NBEA: variants seen among roughly 807,000 people sequenced by gnomAD.
NBEA encodes the protein neurobeachin.
Under a neutral mutation model 343.4 loss-of-function variants are expected in NBEA, and 44 were observed. That is an observed-to-expected ratio of 0.13 (90% CI 0.10 to 0.16). NBEA has a LOEUF of 0.16. Among genes scored for constraint, NBEA ranks in the 10% least tolerant of loss-of-function variants. The pLI, the probability that NBEA is intolerant of heterozygous loss-of-function variation, is 1.00. For synonymous variants in NBEA, 1,175 were observed against 1,238.7 expected, an observed-to-expected ratio of 0.95 and a Z score of 1.08; for missense variants, 2,555 against 3,631.3, an observed-to-expected ratio of 0.70 and a Z score of 7.62.
At chr13:35,166,597 A>G (rs1304508238) in intron 24 of NBEA, among the ~76,000 whole-genome samples, 1 of 152,134 alleles carries the variant, frequency 6.6e-6, no homozygotes, top group African/African-American at 2.4e-5. Flanking sequence ...GTTGTACAAC[A>G]TAGCTGATTT....
At chr13:35,082,564 T>A (rs955328123) in intron 10 of NBEA, among the ~76,000 whole-genome samples, 4 of 152,174 alleles carry the variant, frequency 2.6e-5, no homozygotes, top group Non-Finnish European at 4.4e-5. Context: ...TTTCTCCACA[T>A]CTTCTGCAGC....
rs1023419986 is a variant in NBEA at position 35,624,698 on chromosome 13, G to A, written c.7450-3383G>A. Among the ~76,000 whole-genome samples, 3 of 151,120 alleles carry A rather than the reference G, an allele frequency of 2.0e-5. No individual in the cohort carries two copies. In the East Asian group the frequency reaches 5.8e-4, roughly 29 times the overall value. On this transcript the variant is annotated intron_variant, in intron 48 of 58. Coordinates refer to ENST00000379939, the MANE Select transcript of NBEA (RefSeq NM_001385012.1). ...ATAGAAATGAAAAATATAGAAAGCT[G>A]GACACACATACGTTGACATGATAGG...
intron 39 of NBEA, among the ~76,000 whole-genome samples, chr13:35,436,924 C>T (rs2045476472): frequency 6.6e-6 from 1 of 152,114 alleles, no homozygotes; most frequent in Non-Finnish European, 1.5e-5. Context: ...ATGTTGTCTA[C>T]ACTGGGAGAA....
At chr13:35,621,973 T>C (rs1287863554) in intron 48 of NBEA, among the ~76,000 whole-genome samples, 2 of 152,166 alleles carry the variant, frequency 1.3e-5, no homozygotes, top group Non-Finnish European at 2.9e-5. Flanking sequence ...TGTTGTAAAA[T>C]GATTTCACAA....
intron 41 of NBEA, among the ~76,000 whole-genome samples, chr13:35,548,862 T>G (rs1234300310): frequency 6.6e-6 from 1 of 152,128 alleles, no homozygotes. Flanking sequence ...AGAAGAAGTT[T>G]TGCATTTAGA....
In NBEA at chr13:35,236,406, T is replaced by TTTTG. The variant is rs2075232583; in HGVS notation, c.5776+3790_5776+3791insGTTT. Among the ~76,000 whole-genome samples, 11 of 147,176 alleles carry TTTTG rather than the reference T, an allele frequency of 7.5e-5. No individual in the cohort carries two copies. In the East Asian group the frequency reaches 8.2e-4, roughly 11 times the overall value. ...CAGCTCTTCTTTCTGCATTTAATCC[T>TTTTG]TTTTGTTTTGTTTTGTTTTGTTTTG... On this transcript the variant is annotated intron_variant, in intron 34 of 58. Coordinates refer to ENST00000379939, the MANE Select transcript of NBEA (RefSeq NM_001385012.1).
At chr13:35,284,226 G>A (rs1318828455) in intron 34 of NBEA, among the ~76,000 whole-genome samples, 1 of 152,050 alleles carries the variant, frequency 6.6e-6, no homozygotes, top group African/African-American at 2.4e-5. Flanking sequence ...AATATATCTG[G>A]TATATCCAGA....
At chr13:35,642,821 G>A (rs570705668) in intron 49 of NBEA, among the ~76,000 whole-genome samples, 1 of 152,020 alleles carries the variant, frequency 6.6e-6, no homozygotes, top group African/African-American at 2.4e-5. Flanking sequence ...CTAGCCCATG[G>A]GATGCCAGTG....
rs2079802700 is a variant in NBEA, at chr13:35,560,327, T to A, written c.6922+5225T>A. On this transcript the variant is annotated intron_variant, in intron 44 of 58. Coordinates refer to ENST00000379939, the MANE Select transcript of NBEA (RefSeq NM_001385012.1). ...TTAGCTGCTTTTAAAACCTAAATAATTAATGATTTAAAACAATTTTGTAAT... is the reference window on the plus strand; with the variant it reads ...TTAGCTGCTTTTAAAACCTAAATAAATAATGATTTAAAACAATTTTGTAAT... Among the ~76,000 whole-genome samples, 3 of 152,332 alleles carry A rather than the reference T, an allele frequency of 2.0e-5. No homozygotes were observed. In the South Asian group the frequency reaches 6.2e-4, roughly 32 times the overall value.
At chr13:35,037,535 A>G (rs1416591745) in intron 1 of NBEA, among the ~76,000 whole-genome samples, 1 of 152,072 alleles carries the variant, frequency 6.6e-6, no homozygotes, top group Non-Finnish European at 1.5e-5. Flanking sequence ...ATTTATAGCC[A>G]CCCTTCTTGG....
At chr13:35,252,050 T>A (rs118026893) in intron 34 of NBEA, among the ~76,000 whole-genome samples, 3,994 of 152,294 alleles carry the variant, frequency 0.026, 61 homozygotes, top group Non-Finnish European at 0.039. Context: ...TTTATCCACT[T>A]CTGTATTAGT....
At chr13:35,210,920 C>A in intron 32 of NBEA, 133 bp from the exon 33 acceptor site, 2 of 862,600 alleles carry the variant, frequency 2.3e-6, no homozygotes, top group Non-Finnish European at 3.6e-6. Flanking sequence ...TACTAATGGC[C>A]AAATGATTAA....
chr13:35,621,822 G>C (rs1488443070), intron 48 of NBEA, among the ~76,000 whole-genome samples: 1 of 152,158 alleles, frequency 6.6e-6, no homozygotes, highest in Non-Finnish European at 1.5e-5. Context: ...GTTAAGAGTT[G>C]TGGGAAATGC....
At position 35,050,279 on chromosome 13, in the gene NBEA, A is replaced by G. The variant is rs2063020583; in HGVS notation, c.856A>G (p.Ser286Gly). The G allele has an allele frequency of 1.9e-6, 3 of 1,608,594 alleles. No homozygotes were observed. The highest frequency in any genetic ancestry group is 2.5e-6 in the Non-Finnish European group (3 of 1,177,764). The change falls in exon 6 of 59, where the codon AGC becomes GGC. Residue 286 changes from serine to glycine, a missense_variant. Around this residue, in one of 21 missense-constraint regions of NBEA, gnomAD observed 185 missense variants for 290.6 expected, o/e 0.64. Transcript: ENST00000379939. ...DKPYLYCFRTSKGVGYSAHFV... is the reference protein window; with the variant it reads ...DKPYLYCFRTGKGVGYSAHFV... ...CAGTTGTCTTTGCAGTTTTCGTACT[A>G]GCAAAGGAGTTGGTTACTCTGCTCA... is the stretch of plus-strand genomic sequence containing the variant.
rs537796735 is a variant in NBEA at position 35,491,474 on chromosome 13, A to G, written c.6585+18938A>G. 2.6e-5 allele frequency among the ~76,000 whole-genome samples: 4 copies of G among 151,948 alleles called. No homozygotes were observed. The South Asian group carries it at 6.2e-4, about 24-fold the overall frequency. On this transcript the variant is annotated intron_variant, in intron 41 of 58. Transcript: ENST00000379939. ...TTGAGCACCTGCTTCTCCATCAGTC[A>G]TCTGTACCTCAGTAAACTGCAGTGC...
intron 45 of NBEA, among the ~76,000 whole-genome samples, chr13:35,567,337 G>A (rs1046603637): frequency 1.2e-4 from 19 of 152,164 alleles, no homozygotes; most frequent in Non-Finnish European, 2.4e-4. Context: ...AATCATTTAT[G>A]TGATATGTTC....
At chr13:35,631,938 T>G (rs537663592) in intron 49 of NBEA, among the ~76,000 whole-genome samples, 13 of 152,322 alleles carry the variant, frequency 8.5e-5, no homozygotes, top group African/African-American at 2.6e-4. Flanking sequence ...AAGCAGTAAT[T>G]GATAATAAAC....
At chr13:35,282,791 A>T (rs555981114) in intron 34 of NBEA, among the ~76,000 whole-genome samples, 111 of 152,250 alleles carry the variant, frequency 7.3e-4, no homozygotes, top group Middle Eastern at 6.8e-3. Context: ...TCAGTACCAT[A>T]TTCTTTAGAC....
chr13:34,998,528 C>T (rs1415509064), intron 1 of NBEA, among the ~76,000 whole-genome samples: 1 of 152,088 alleles, frequency 6.6e-6, no homozygotes, highest in Non-Finnish European at 1.5e-5. Context: ...CCCAAAGCGG[C>T]CATTTTAGAG....
Sources: allele counts gnomAD v4.1 joint callset (sites outside exome capture counted in the v4.1 genomes callset), GRCh38; gene constraint gnomAD v4.1.1; regional missense constraint gnomAD v4.1.1; transcripts MANE v1.5; gene names NCBI Gene and HGNC (gene_info 2026-07-23, HGNC 2026-07-21).